Variants in RALGAPB observed in about 807,000 individuals in gnomAD.
RALGAPB encodes the protein ral GTPase-activating protein subunit beta.
RALGAPB carries 25 observed loss-of-function variants against 161.1 expected under a neutral mutation model. That is an observed-to-expected ratio of 0.16 (90% confidence interval 0.11 to 0.22). RALGAPB has a LOEUF of 0.22. Among genes scored for constraint, RALGAPB ranks in the 10% least tolerant of loss-of-function variants. RALGAPB has a pLI of 1.00. For synonymous variants in RALGAPB, 629 were observed against 626.1 expected, an observed-to-expected ratio of 1.00 and a Z score of -0.07; for missense variants, 1,391 against 1,815.2, an observed-to-expected ratio of 0.77 and a Z score of 4.25.
In RALGAPB at chr20:38,517,575, C is replaced by T. The variant is rs2086167243; in HGVS notation, c.1121C>T (p.Ala374Val). The T allele has an allele frequency of 1.2e-6, 2 of 1,613,602 alleles. No homozygotes were observed. The highest frequency in any genetic ancestry group is 1.7e-6 in the Non-Finnish European group (2 of 1,179,850). ...AATAGATTAAGTATGCCTCAAAGTG[C>T]TGCTGTCAGTACCACCCCCCCACAT... ...PVNRLSMPQS[A>V]AVSTTPPHNR... The change falls in exon 8 of 30, where the codon GCT becomes GTT. Residue 374 changes from alanine to valine, a missense_variant. Transcript: ENST00000262879.
Position 38,517,882 on chromosome 20 carries a change from T to A in RALGAPB, c.1299T>A (p.Pro433=). 1.2e-6 allele frequency: 2 copies of A among 1,613,900 alleles called. No individual in the cohort carries two copies. The highest frequency in any genetic ancestry group is 1.7e-6 in the Non-Finnish European group (2 of 1,179,770). ...NQTSSEPRPL[P]APRRPKVNSI... Reference sequence around the variant, plus strand: ...CTAGTTCAGAACCCCGGCCACTGCCTGCCCCTCGGAGACCAAAGGTTAACA... The same window carrying A: ...CTAGTTCAGAACCCCGGCCACTGCCAGCCCCTCGGAGACCAAAGGTTAACA... The change falls in exon 9 of 30, where the codon CCT becomes CCA. Residue 433 remains proline (P), a synonymous_variant. Transcript: ENST00000262879.
In RALGAPB at chr20:38,578,270, G is replaced by C. The variant is rs537174962; in HGVS notation, c.*3303G>C. ...TTCCTGAGTTGGAGAGATTGGAGGT[G>C]GTCTATCCGTACGATGTGGAATCAA... On this transcript the variant is annotated 3_prime_UTR_variant, in exon 30 of 30. Coordinates refer to ENST00000262879, the MANE Select transcript of RALGAPB (RefSeq NM_020336.4). The C allele has an allele frequency of 6.6e-6, 1 of 152,232 alleles. No homozygotes were observed. The highest frequency in any genetic ancestry group is 2.4e-5 in the African/African-American group (1 of 41,536). The allele number at this position is 152,232 out of a possible 1,614,324, so 9.4% of individuals were successfully genotyped here.
intron 27 of RALGAPB, 38 bp from the exon 28 acceptor site, chr20:38,570,731 A>C: frequency 2.3e-6 from 3 of 1,283,918 alleles, no homozygotes; most frequent in Non-Finnish European, 3.4e-6. Flanking sequence ...TGGGAAAATG[A>C]GGGAGATATT....
chr20:38,535,226 T>C lies in RALGAPB; in HGVS notation c.2379+19T>C. ...TGCAAAGGTGAGGAAGACAGTCCTT[T>C]TATTTTAACCCAACAGCCTTGGGCC... On this transcript the variant is annotated intron_variant, in intron 16 of 29. Transcript: ENST00000262879. 2 of 1,613,636 alleles carry C rather than the reference T, an allele frequency of 1.2e-6. No individual in the cohort carries two copies. Among genetic ancestry groups the C allele is most frequent in the Non-Finnish European group, 1.7e-6 (2 of 1,179,678 alleles).
At position 38,479,003 on chromosome 20, in the gene RALGAPB, G is replaced by A. The variant is rs189309405; in HGVS notation, c.-31+5934G>A. ...TGACCTCAAGTGATCCACCCGCCTC[G>A]GCCTCCCAAAGTGCTGGGGTTACAG... On this transcript the variant is annotated intron_variant, in intron 1 of 29. Coordinates refer to ENST00000262879, the MANE Select transcript of RALGAPB (RefSeq NM_020336.4). Among the ~76,000 whole-genome samples, 337 of 152,190 alleles carry A rather than the reference G, an allele frequency of 2.2e-3. 1 individual carries two copies. The highest frequency in any genetic ancestry group is 7.8e-3 in the African/African-American group (323 of 41,518).
chr20:38,559,509 A>G (rs984510798), intron 23 of RALGAPB, among the ~76,000 whole-genome samples: 15 of 152,348 alleles, frequency 9.8e-5, no homozygotes, highest in African/African-American at 3.6e-4. Context: ...AGCCTGGCCA[A>G]CATGGTGGAA....
At chr20:38,560,868 C>G (rs1171804826) in intron 23 of RALGAPB, among the ~76,000 whole-genome samples, 1 of 152,178 alleles carries the variant, frequency 6.6e-6, no homozygotes, top group Non-Finnish European at 1.5e-5. Flanking sequence ...GAATTTGATT[C>G]ACTTACTGCT....
chr20:38,572,419 A>G (rs1321282494), intron 28 of RALGAPB, among the ~76,000 whole-genome samples: 1 of 152,240 alleles, frequency 6.6e-6, no homozygotes, highest in Admixed American at 6.5e-5. Context: ...GTTATTCCTT[A>G]GTATCACACA....
At chr20:38,568,144 T>A (rs1237344971) in intron 26 of RALGAPB, among the ~76,000 whole-genome samples, 1 of 152,170 alleles carries the variant, frequency 6.6e-6, no homozygotes, top group Non-Finnish European at 1.5e-5. Flanking sequence ...GCCCTTATAC[T>A]CATTTTCTGA....
At chr20:38,529,394 T>G (rs1481716263) in intron 13 of RALGAPB, among the ~76,000 whole-genome samples, 6 of 151,736 alleles carry the variant, frequency 4.0e-5, no homozygotes. Context: ...GGCACATGCC[T>G]GTAGTCTCAG....
At chr20:38,566,198 C>G (rs2087991908) in intron 25 of RALGAPB, among the ~76,000 whole-genome samples, 1 of 152,150 alleles carries the variant, frequency 6.6e-6, no homozygotes, top group Admixed American at 6.5e-5. Context: ...GCTGCCTAAC[C>G]TTTGTACTTG....
chr20:38,503,832 T>C (rs1200887643), intron 5 of RALGAPB, among the ~76,000 whole-genome samples: 2 of 152,192 alleles, frequency 1.3e-5, no homozygotes, highest in Non-Finnish European at 2.9e-5. Context: ...TTTTAAAAAC[T>C]GCCACAGCCA....
At chr20:38,506,763 T>C (rs567061094) in intron 5 of RALGAPB, among the ~76,000 whole-genome samples, 1 of 152,216 alleles carries the variant, frequency 6.6e-6, no homozygotes, top group South Asian at 2.1e-4. Flanking sequence ...CTCATTCAGG[T>C]TTGATAGGGG....
chr20:38,571,630 A>G (rs1568988708), intron 28 of RALGAPB, among the ~76,000 whole-genome samples: 1 of 152,198 alleles, frequency 6.6e-6, no homozygotes, highest in Non-Finnish European at 1.5e-5. Flanking sequence ...GGTTGCCTCC[A>G]TATCTTAGCT....
In RALGAPB at chr20:38,570,805, G is replaced by A; in HGVS notation, c.4100G>A (p.Ser1367Asn). The part of the protein sequence containing the change: ...FPLSELMTEI[S>N]TGVETTANSS... Reference sequence around the variant, plus strand: ...CTCTCAGAGCTGATGACAGAGATCAGTACTGGTGTGGAAACTACTGCAAAT... The same window carrying A: ...CTCTCAGAGCTGATGACAGAGATCAATACTGGTGTGGAAACTACTGCAAAT... The change falls in exon 28 of 30, where the codon AGT becomes AAT. Residue 1367 changes from serine to asparagine, a missense_variant. Physicochemically the swap from Ser to Asn is conservative, Grantham distance 46. Coordinates refer to ENST00000262879, the MANE Select transcript of RALGAPB (RefSeq NM_020336.4). 1 of 1,609,856 alleles carries A rather than the reference G, an allele frequency of 6.2e-7. No homozygotes were observed. Among genetic ancestry groups the A allele is most frequent in the Non-Finnish European group, 8.5e-7 (1 of 1,176,622 alleles).
intron 4 of RALGAPB, 24 bp downstream of exon 4, chr20:38,497,540 A>C (rs1427654214): frequency 5.7e-6 from 9 of 1,586,134 alleles, no homozygotes; most frequent in Non-Finnish European, 7.7e-6. Flanking sequence ...TTTTTTTCTA[A>C]TTTATTTCTG....
intron 22 of RALGAPB, among the ~76,000 whole-genome samples, chr20:38,554,411 CT>C (rs1302118647): frequency 6.6e-6 from 1 of 152,156 alleles, no homozygotes; most frequent in Non-Finnish European, 1.5e-5. Context: ...AAATCTTCCC[CT>C]AGTAAGCATT....
intron 20 of RALGAPB, among the ~76,000 whole-genome samples, chr20:38,549,042 G>A (rs1056642511): frequency 6.6e-6 from 1 of 152,108 alleles, no homozygotes. Context: ...CTACTTAGGA[G>A]TAATTGCTGT....
In RALGAPB at chr20:38,574,985, A is replaced by G. The variant is rs775559658; in HGVS notation, c.*18A>G. The G allele has an allele frequency of 7.2e-5, 114 of 1,575,382 alleles. 1 individual carries two copies. The South Asian group carries it at 1.2e-3, about 17-fold the overall frequency. On this transcript the variant is annotated 3_prime_UTR_variant, in exon 30 of 30. Coordinates refer to ENST00000262879, the MANE Select transcript of RALGAPB (RefSeq NM_020336.4). ...GTTCTTAGACCACTGAATTTCTAAG[A>G]CTGTTGAACTCCAGTTTGGGAACTA...
Sources: allele counts gnomAD v4.1 joint callset (sites outside exome capture counted in the v4.1 genomes callset), GRCh38; gene constraint gnomAD v4.1.1; transcripts MANE v1.5; gene names NCBI Gene and HGNC (gene_info 2026-07-23, HGNC 2026-07-21).